Variants in LRRC4C observed in about 807,000 individuals in gnomAD.
LRRC4C encodes the protein leucine-rich repeat-containing protein 4C.
Under a neutral mutation model 33.6 loss-of-function variants are expected in LRRC4C, and 5 were observed. The observed-to-expected ratio is 0.15, with a 90% CI of 0.08 to 0.31. The LOEUF (loss-of-function observed/expected upper bound fraction) is 0.31, where lower values mean the gene tolerates loss of function less well. Ranked by LOEUF, LRRC4C falls within the 10% of genes least tolerant of loss-of-function variation. The pLI, the probability that LRRC4C is intolerant of heterozygous loss-of-function variation, is 1.00. For synonymous variants in LRRC4C, 329 were observed against 302.0 expected, an observed-to-expected ratio of 1.09 and a Z score of -0.93; for missense variants, 560 against 796.7, an observed-to-expected ratio of 0.70 and a Z score of 3.58.
chr11:40,810,053 T>C (rs1414393703), intron 2 of LRRC4C, among the ~76,000 whole-genome samples: 2 of 152,218 alleles, frequency 1.3e-5, no homozygotes, highest in East Asian at 1.9e-4. Flanking sequence ...CCTTTGTCTC[T>C]ATTTATTACC....
chr11:41,120,812 G>T (rs1942385838), intron 1 of LRRC4C, among the ~76,000 whole-genome samples: 1 of 152,104 alleles, frequency 6.6e-6, no homozygotes, highest in African/African-American at 2.4e-5. Context: ...GATCATGGGG[G>T]CAGATTTCTC....
chr11:40,205,990 T>A (rs1034870146), intron 5 of LRRC4C, among the ~76,000 whole-genome samples: 4 of 152,214 alleles, frequency 2.6e-5, no homozygotes, highest in African/African-American at 9.6e-5. Flanking sequence ...TTTATTTGTA[T>A]CTTTCTTCTG....
intron 1 of LRRC4C, among the ~76,000 whole-genome samples, chr11:41,155,077 C>A (rs555461578): frequency 5.2e-4 from 79 of 152,090 alleles, no homozygotes; most frequent in Non-Finnish European, 1.0e-3. Flanking sequence ...ATTTCCAATG[C>A]GTTGACTCAG....
intron 1 of LRRC4C, among the ~76,000 whole-genome samples, chr11:40,984,171 AAAGGAAGGAAAGG>A (rs1359015816): frequency 6.6e-6 from 1 of 150,750 alleles, no homozygotes; most frequent in African/African-American, 2.4e-5. Flanking sequence ...GAAAGAAAAG[AAAGGAAGGAAAGG>A]AAGGAAGGAA....
At chr11:40,693,289 A>G (rs749023270) in intron 2 of LRRC4C, among the ~76,000 whole-genome samples, 1 of 152,156 alleles carries the variant, frequency 6.6e-6, no homozygotes. Context: ...GGAAACAATG[A>G]TTTTTGAAAA....
chr11:40,896,752 G>T (rs557402086), intron 2 of LRRC4C, among the ~76,000 whole-genome samples: 6 of 151,996 alleles, frequency 3.9e-5, no homozygotes, highest in East Asian at 3.9e-4. Context: ...ATATATTATT[G>T]TTAAATATCA....
intron 4 of LRRC4C, among the ~76,000 whole-genome samples, chr11:40,260,556 A>AC (rs1042643749): frequency 1.2e-4 from 18 of 152,036 alleles, no homozygotes; most frequent in African/African-American, 4.4e-4. Flanking sequence ...AAGTAAAAAA[A>AC]AAAAATTAAA....
chr11:40,579,413 CT>C (rs2135629207), intron 3 of LRRC4C, among the ~76,000 whole-genome samples: 1 of 151,774 alleles, frequency 6.6e-6, no homozygotes, highest in African/African-American at 2.4e-5. Flanking sequence ...ATGTTTAGAA[CT>C]TAAATAACAG....
In LRRC4C at chr11:40,239,005, T is replaced by C. The variant is rs1308326476; in HGVS notation, c.-96+2514A>G. ...GAATTCCAAAGAACGACATTTAAAT[T>C]TCAACATGGTACTACTTAAATTACT... is the stretch of plus-strand genomic sequence containing the variant. On this transcript the variant is annotated intron_variant, in intron 5 of 6. Transcript: ENST00000528697. Among the ~76,000 whole-genome samples, 5 of 152,188 alleles carry C rather than the reference T, an allele frequency of 3.3e-5. No individual in the cohort carries two copies. The East Asian group carries it at 9.6e-4, about 29-fold the overall frequency.
At chr11:40,950,617 T>G (rs955982832) in intron 1 of LRRC4C, among the ~76,000 whole-genome samples, 2 of 152,050 alleles carry the variant, frequency 1.3e-5, no homozygotes, top group Non-Finnish European at 2.9e-5. Flanking sequence ...TGCTATAAAT[T>G]ATTTATTTCT....
At chr11:40,457,844 A>T (rs1013448724) in intron 3 of LRRC4C, among the ~76,000 whole-genome samples, 1 of 152,058 alleles carries the variant, frequency 6.6e-6, no homozygotes, top group Admixed American at 6.6e-5. Context: ...ATAGTATGAA[A>T]TTTTTTATGT....
At chr11:40,986,668 A>G (rs1182546315) in intron 1 of LRRC4C, among the ~76,000 whole-genome samples, 1 of 152,196 alleles carries the variant, frequency 6.6e-6, no homozygotes, top group African/African-American at 2.4e-5. Context: ...ATATGATTTT[A>G]TAATTTATGA....
chr11:40,800,936 T>C (rs912227559), intron 2 of LRRC4C, among the ~76,000 whole-genome samples: 1 of 152,180 alleles, frequency 6.6e-6, no homozygotes, highest in Non-Finnish European at 1.5e-5. Context: ...CATCATAATC[T>C]TGTTCCTTAA....
intron 1 of LRRC4C, among the ~76,000 whole-genome samples, chr11:41,256,277 G>A (rs1360188208): frequency 6.6e-6 from 1 of 151,822 alleles, no homozygotes; most frequent in East Asian, 1.9e-4. Context: ...AATCCATCCA[G>A]GAAAATGAGC....
chr11:41,142,985 A>T lies in LRRC4C; in HGVS notation c.-495-209262T>A, dbSNP rs145678594. On this transcript the variant is annotated intron_variant, in intron 1 of 6. Transcript: ENST00000528697. ...AACAAAGCAGAGTTTTTCCATAAGG[A>T]TACTTTATATATTTGTGTTATAGAA... Among the ~76,000 whole-genome samples, 932 of 152,276 alleles carry T rather than the reference A, an allele frequency of 6.1e-3. 13 individuals are homozygous for T. Among genetic ancestry groups the T allele is most frequent in the African/African-American group, 0.021 (884 of 41,544 alleles).
intron 1 of LRRC4C, among the ~76,000 whole-genome samples, chr11:40,939,034 A>C (rs555707314): frequency 6.6e-6 from 1 of 152,260 alleles, no homozygotes; most frequent in South Asian, 2.1e-4. Context: ...ATGATATAAT[A>C]GTGAATGGAA....
chr11:41,057,202 G>A lies in LRRC4C; in HGVS notation c.-495-123479C>T, dbSNP rs116890142. Among the ~76,000 whole-genome samples, 1,396 of 152,254 alleles carry A rather than the reference G, an allele frequency of 9.2e-3. 6 individuals are homozygous for A. Among genetic ancestry groups the A allele is most frequent in the Non-Finnish European group, 0.015 (1,037 of 68,026 alleles). ...TGGCTTCTCCCTGCTATTTGTGCCCGCTCTAATCCTGTAGCAAAGTTGGGA... is the reference window on the plus strand; with the variant it reads ...TGGCTTCTCCCTGCTATTTGTGCCCACTCTAATCCTGTAGCAAAGTTGGGA... On this transcript the variant is annotated intron_variant, in intron 1 of 6. Coordinates refer to ENST00000528697, the MANE Select transcript of LRRC4C (RefSeq NM_001258419.2).
intron 3 of LRRC4C, among the ~76,000 whole-genome samples, chr11:40,371,318 C>T (rs1948438838): frequency 6.6e-6 from 1 of 152,202 alleles, no homozygotes; most frequent in South Asian, 2.1e-4. Flanking sequence ...ATGCTTTTGA[C>T]ATGTCTCCTC....
chr11:40,771,133 C>T (rs1039000979), intron 2 of LRRC4C, among the ~76,000 whole-genome samples: 4 of 152,214 alleles, frequency 2.6e-5, no homozygotes, highest in Admixed American at 2.0e-4. Flanking sequence ...GCTCCTGCAG[C>T]AAACTACTGC....
Sources: allele counts gnomAD v4.1 joint callset (sites outside exome capture counted in the v4.1 genomes callset), GRCh38; gene constraint gnomAD v4.1.1; transcripts MANE v1.5; gene names NCBI Gene and HGNC (gene_info 2026-07-23, HGNC 2026-07-21).